The following CPXM2 variants were observed in gnomAD, a reference collection of about 807,000 sequenced individuals.
The protein encoded by CPXM2 is carboxypeptidase X, M14 family member 2.
CPXM2 carries 66 observed loss-of-function variants against 86.1 expected under a neutral mutation model. That is an observed-to-expected ratio of 0.77 (90% CI 0.63 to 0.94). The LOEUF is 0.94. Among genes scored for constraint, CPXM2 ranks in the 40% least tolerant of loss-of-function variants. The probability of loss-of-function intolerance (pLI) is 0.00; values close to 1 mark genes in which losing one functional copy is unlikely to be tolerated. For missense variants in CPXM2, 948 were observed against 1,026.3 expected, an observed-to-expected ratio of 0.92 and a Z score of 1.04; for synonymous variants, 388 against 400.2, an observed-to-expected ratio of 0.97 and a Z score of 0.36.
chr10:123,914,235 C>T (rs143097419), intron 2 of CPXM2: 37 of 376,268 alleles, frequency 9.8e-5, no homozygotes, highest in African/African-American at 6.1e-4. Flanking sequence ...TAAGCCACAT[C>T]GAGCACATTA....
upstream of CPXM2, among the ~76,000 whole-genome samples, chr10:123,894,541 G>A (rs919257217): frequency 5.3e-5 from 8 of 152,140 alleles, no homozygotes; most frequent in South Asian, 2.1e-4. Flanking sequence ...GGTGCTGCCC[G>A]TCCTGGAAAG....
At chr10:123,807,614 G>A (rs1847608001) in intron 4 of CPXM2, among the ~76,000 whole-genome samples, 2 of 152,234 alleles carry the variant, frequency 1.3e-5, no homozygotes, top group African/African-American at 4.8e-5. Context: ...GTGCTGTGAT[G>A]AGACAAGTAC....
intron 4 of CPXM2, among the ~76,000 whole-genome samples, chr10:123,831,591 G>T (rs772960923): frequency 1.3e-5 from 2 of 152,014 alleles, no homozygotes. Flanking sequence ...CTAAAATCAG[G>T]GCTGCATTCC....
chr10:123,770,281 C>CAAAA, intron 8 of CPXM2, among the ~76,000 whole-genome samples: 1 of 152,132 alleles, frequency 6.6e-6, no homozygotes, highest in South Asian at 2.1e-4. Flanking sequence ...TCTCAAAAAA[C>CAAAA]AAACAAACAA....
At chr10:123,852,073 G>T (rs1780573094) in intron 3 of CPXM2, among the ~76,000 whole-genome samples, 1 of 152,166 alleles carries the variant, frequency 6.6e-6, no homozygotes, top group South Asian at 2.1e-4. Context: ...GCGATGCCCT[G>T]CTAACACCTT....
chr10:123,869,748 T>C (rs1402764439), intron 2 of CPXM2, among the ~76,000 whole-genome samples: 2 of 152,174 alleles, frequency 1.3e-5, no homozygotes, highest in Non-Finnish European at 2.9e-5. Context: ...AAAAGAGGCA[T>C]TTGCCCTCTG....
rs113048198 is a variant in CPXM2 at position 123,914,064 on chromosome 10, G to C, written n.174+25413C>G. 1,310 of 488,206 alleles carry C rather than the reference G, an allele frequency of 2.7e-3. 11 individuals carry two copies. Among genetic ancestry groups the C allele is most frequent in the African/African-American group, 7.4e-3 (382 of 51,508 alleles). The allele number at this position is 488,206 out of a possible 1,614,324, so 30.2% of individuals were successfully genotyped here. On this transcript the variant is annotated intron_variant and non_coding_transcript_variant, in intron 2 of 19. Coordinates refer to the CPXM2 transcript ENST00000368854. ...GGAAGTCAGTGTCATTTGGTGGCTTGACCTCTTTGGCATGGAGCATGCAAT... is the reference window on the plus strand; with the variant it reads ...GGAAGTCAGTGTCATTTGGTGGCTTCACCTCTTTGGCATGGAGCATGCAAT...
chr10:123,907,078 G>T (rs542955266), intron 2 of CPXM2, among the ~76,000 whole-genome samples: 1 of 152,208 alleles, frequency 6.6e-6, no homozygotes, highest in South Asian at 2.1e-4. Flanking sequence ...CACGAAGCAC[G>T]GTGTGTGCAT....
chr10:123,910,649 G>C (rs1158149814), intron 2 of CPXM2, among the ~76,000 whole-genome samples: 2 of 152,224 alleles, frequency 1.3e-5, no homozygotes, highest in Admixed American at 1.3e-4. Context: ...GTGAAATACA[G>C]GTATGAATGC....
intron 3 of CPXM2, among the ~76,000 whole-genome samples, chr10:123,855,405 G>A (rs1034948776): frequency 6.6e-6 from 1 of 152,214 alleles, no homozygotes; most frequent in African/African-American, 2.4e-5. Flanking sequence ...CATGAAGGAA[G>A]AGATAGGCTT....
At chr10:123,860,562 A>G (rs536211098) in intron 3 of CPXM2, among the ~76,000 whole-genome samples, 1 of 152,260 alleles carries the variant, frequency 6.6e-6, no homozygotes, top group Non-Finnish European at 1.5e-5. Context: ...GCACAAATAA[A>G]TGTGAACACT....
chr10:123,772,916 C>T (rs1846682146), intron 7 of CPXM2, among the ~76,000 whole-genome samples: 1 of 150,862 alleles, frequency 6.6e-6, no homozygotes, highest in African/African-American at 2.4e-5. Flanking sequence ...GTGTGGTCCT[C>T]ATTCCCCTGG....
chr10:123,837,582 G>A (rs1848305811), intron 4 of CPXM2, among the ~76,000 whole-genome samples: 1 of 152,040 alleles, frequency 6.6e-6, no homozygotes, highest in South Asian at 2.1e-4. Context: ...TATACTTTCT[G>A]TCATTAGGGA....
rs1914529 is a variant in CPXM2, at chr10:123,922,674, T to C, written n.174+16803A>G. 0.011 allele frequency among the ~76,000 whole-genome samples: 1,669 copies of C among 152,266 alleles called. 129 individuals are homozygous for C. In the East Asian group the frequency reaches 0.15, roughly 14 times the overall value. ...CGCTGAGATTAAATTCCCCAAAGCATAGGAGGCTCGGCGAGGTGAGAGAAC... is the reference window on the plus strand; with the variant it reads ...CGCTGAGATTAAATTCCCCAAAGCACAGGAGGCTCGGCGAGGTGAGAGAAC... On this transcript the variant is annotated intron_variant and non_coding_transcript_variant, in intron 2 of 19. Transcript: ENST00000368854.
At position 123,891,384 on chromosome 10, in the gene CPXM2, C is replaced by T; in HGVS notation, c.276G>A (p.Glu92=). Residue 92 remains glutamate, a synonymous_variant, in exon 1 of 14, where the codon GAG becomes GAA. Coordinates refer to ENST00000241305, the MANE Select transcript of CPXM2 (RefSeq NM_198148.3). This position sits in a 1 kb window ranked among gnomAD's most constrained non-coding sequence, Gnocchi z 5.6. ...ATKPKKAPKR[E]KSAPEPPPPG... is the part of the protein sequence containing the mutation. ...GTGGAGGCGGCTCCGGAGCCGACTTCTCCCTCTTGGGAGCTTTCTTGGGCT... is the reference window on the plus strand; with the variant it reads ...GTGGAGGCGGCTCCGGAGCCGACTTTTCCCTCTTGGGAGCTTTCTTGGGCT... The T allele has an allele frequency of 6.4e-7, 1 of 1,565,188 alleles. No homozygotes were observed. The highest frequency in any genetic ancestry group is 2.4e-5 in the East Asian group (1 of 41,494).
At chr10:123,762,986 A>T (rs1846380947) in intron 10 of CPXM2, among the ~76,000 whole-genome samples, 1 of 152,176 alleles carries the variant, frequency 6.6e-6, no homozygotes, top group African/African-American at 2.4e-5. Flanking sequence ...TGGACCAATG[A>T]GAGAGCTTAA....
At chr10:123,862,798 C>A (rs922950428) in intron 2 of CPXM2, 75 bp from the exon 3 acceptor site, 21 of 1,330,424 alleles carry the variant, frequency 1.6e-5, no homozygotes, top group Non-Finnish European at 2.2e-5. Flanking sequence ...CTAAATCTGG[C>A]CGCGTGCTTT....
At chr10:123,766,605 TA>T (rs1846478803) in intron 10 of CPXM2, among the ~76,000 whole-genome samples, 1 of 152,298 alleles carries the variant, frequency 6.6e-6, no homozygotes, top group East Asian at 1.9e-4. Flanking sequence ...GGGGATGTAC[TA>T]AAATAAAAAA....
intron 10 of CPXM2, among the ~76,000 whole-genome samples, chr10:123,766,062 T>C (rs1325791387): frequency 1.3e-5 from 2 of 152,238 alleles, no homozygotes; most frequent in South Asian, 2.1e-4. Context: ...GAACCGCTTA[T>C]AGGAAATTGA....
Sources: gnomAD v4.1 joint callset for allele counts (sites outside exome capture counted in the v4.1 genomes callset) on GRCh38, gnomAD v4.1.1 for gene constraint, Gnocchi (gnomAD v3.1) non-coding constraint, MANE v1.5 for transcripts, NCBI Gene and HGNC (gene_info 2026-07-23, HGNC 2026-07-21) for gene names.